Variants in LUC7L2 observed in about 807,000 individuals in gnomAD.
LUC7L2 encodes LUC7 like 2, pre-mRNA splicing factor.
A neutral mutation model predicts 52.8 loss-of-function variants in LUC7L2; 25 were observed. That is an observed-to-expected ratio of 0.47 (90% CI 0.34 to 0.66). The LOEUF is 0.66. Among genes scored for constraint, LUC7L2 ranks in the 30% least tolerant of loss-of-function variants. The pLI, the probability that LUC7L2 is intolerant of heterozygous loss-of-function variation, is 0.01. For missense variants in LUC7L2, 328 were observed against 497.8 expected (o/e 0.66, Z 3.25); for synonymous variants, 144 against 160.9 (o/e 0.89, Z 0.80).
At chr7:139,364,646 TAAG>T (rs1800057209) in intron 1 of LUC7L2, among the ~76,000 whole-genome samples, 1 of 152,234 alleles carries the variant, frequency 6.6e-6, no homozygotes, top group Non-Finnish European at 1.5e-5. Context: ...AAAATACTGT[TAAG>T]AAAGCCATTT....
At chr7:139,404,790 T>TA (rs1248217080) in intron 4 of LUC7L2, among the ~76,000 whole-genome samples, 2 of 152,318 alleles carry the variant, frequency 1.3e-5, no homozygotes, top group Admixed American at 6.5e-5. Flanking sequence ...GCAGGGTACA[T>TA]ACGAGGCTTA....
At chr7:139,345,692 C>G (rs368031989) in intron 1 of LUC7L2, 163 of 1,613,936 alleles carry the variant, frequency 1.0e-4, no homozygotes, top group Non-Finnish European at 1.2e-4. Flanking sequence ...GAGGGAAGGG[C>G]TGGGAGCCAT....
intron 1 of LUC7L2, chr7:139,340,596 C>T: frequency 2.5e-6 from 1 of 397,404 alleles, no homozygotes. Flanking sequence ...CACGTGGGCG[C>T]TAGGTGTGGT....
At chr7:139,382,809 A>C (rs896866711) in intron 2 of LUC7L2, among the ~76,000 whole-genome samples, 23 of 152,302 alleles carry the variant, frequency 1.5e-4, no homozygotes, top group African/African-American at 4.3e-4. Flanking sequence ...GTTTTATCCC[A>C]GGTGCACCTT....
At chr7:139,384,341 C>G (rs1794096675) in intron 2 of LUC7L2, among the ~76,000 whole-genome samples, 3 of 151,048 alleles carry the variant, frequency 2.0e-5, no homozygotes, top group South Asian at 4.2e-4. Flanking sequence ...TCGTGGCTCA[C>G]TGCAACCTCT....
chr7:139,393,646 C>T (rs776621647), intron 2 of LUC7L2, among the ~76,000 whole-genome samples: 3 of 151,988 alleles, frequency 2.0e-5, no homozygotes, highest in Admixed American at 6.6e-5. Context: ...GGGGTTTCAC[C>T]GTGTTGCCCA....
chr7:139,349,510 CCT>C (rs936360744), intron 1 of LUC7L2, among the ~76,000 whole-genome samples: 4 of 152,016 alleles, frequency 2.6e-5, no homozygotes, highest in African/African-American at 9.7e-5. Context: ...GCCTGAGAAT[CCT>C]GAGGTTTTGG....
At chr7:139,385,273 G>A (rs1794142032) in intron 2 of LUC7L2, among the ~76,000 whole-genome samples, 2 of 147,976 alleles carry the variant, frequency 1.4e-5, no homozygotes, top group African/African-American at 2.5e-5. Context: ...TTTTTTGAAG[G>A]ACATCTTCAA....
intron 1 of LUC7L2, among the ~76,000 whole-genome samples, chr7:139,352,267 A>G (rs1255746250): frequency 6.6e-6 from 1 of 151,932 alleles, no homozygotes; most frequent in African/African-American, 2.4e-5. Context: ...AGGCAGGAGG[A>G]TGGCTTGGGG....
chr7:139,373,124 T>C (rs1211421516), intron 1 of LUC7L2, among the ~76,000 whole-genome samples: 1 of 152,266 alleles, frequency 6.6e-6, no homozygotes, highest in Non-Finnish European at 1.5e-5. Context: ...TAGTTTCTTA[T>C]GAAAAACATG....
intron 1 of LUC7L2, among the ~76,000 whole-genome samples, chr7:139,372,846 G>A (rs1800523178): frequency 6.6e-6 from 1 of 152,058 alleles, no homozygotes; most frequent in African/African-American, 2.4e-5. Flanking sequence ...CTCCTTGAGG[G>A]GAGAGAGCTT....
At chr7:139,378,681 T>C (rs1159260080) in intron 2 of LUC7L2, among the ~76,000 whole-genome samples, 1 of 152,222 alleles carries the variant, frequency 6.6e-6, no homozygotes, top group African/African-American at 2.4e-5. Flanking sequence ...GTGTAAACTA[T>C]CACACTCTGT....
chr7:139,354,777 A>G (rs1317131450), intron 1 of LUC7L2, among the ~76,000 whole-genome samples: 1 of 152,190 alleles, frequency 6.6e-6, no homozygotes, highest in Non-Finnish European at 1.5e-5. Context: ...ACTCTAATAA[A>G]TCACACCCAC....
chr7:139,421,390 GTTTA>G (rs1277962305), intron 9 of LUC7L2, among the ~76,000 whole-genome samples: 1 of 152,078 alleles, frequency 6.6e-6, no homozygotes, highest in Non-Finnish European at 1.5e-5. Context: ...AAGATTCCAT[GTTTA>G]TTCTGATTCC....
intron 1 of LUC7L2, chr7:139,371,278 G>C: frequency 1.6e-6 from 1 of 640,864 alleles, no homozygotes; most frequent in Non-Finnish European, 2.8e-6. Context: ...ATGAATGCCT[G>C]ATAATGTACA....
intron 8 of LUC7L2, among the ~76,000 whole-genome samples, chr7:139,414,849 T>C (rs1448908427): frequency 8.3e-6 from 1 of 120,856 alleles, no homozygotes; most frequent in African/African-American, 5.7e-5. Context: ...CGTATAAATA[T>C]TTCCACTCTT....
intron 1 of LUC7L2, among the ~76,000 whole-genome samples, chr7:139,352,420 G>A (rs1433689416): frequency 1.3e-5 from 2 of 152,164 alleles, no homozygotes; most frequent in African/African-American, 4.8e-5. Flanking sequence ...CCTTGAGCCT[G>A]GGAGGTTGAG....
chr7:139,358,837 C>A (rs951884822), upstream of LUC7L2, among the ~76,000 whole-genome samples: 9 of 151,992 alleles, frequency 5.9e-5, no homozygotes, highest in African/African-American at 2.2e-4. Context: ...CCCGCCATCA[C>A]GCCCGGCTAA....
rs191308607 is a variant in LUC7L2, at chr7:139,423,011, T to G, written c.*671T>G. The G allele has an allele frequency of 3.5e-5, 14 of 399,028 alleles. No individual in the cohort carries two copies. In the Admixed American group the frequency reaches 6.2e-4, roughly 18 times the overall value. The allele number at this position is 399,028 out of a possible 1,614,324, so 24.7% of individuals were successfully genotyped here. A position where few individuals can be genotyped will look rare whatever the true frequency, so the allele number is the denominator to read the frequency against. Reference sequence around the variant, plus strand: ...GTCTTGATTTTTCTGTTCTGTTGAATTGCTATGTTCAGGATGTTCTAGGGG... The same window carrying G: ...GTCTTGATTTTTCTGTTCTGTTGAAGTGCTATGTTCAGGATGTTCTAGGGG... On this transcript the variant is annotated 3_prime_UTR_variant, in exon 10 of 10. Coordinates refer to ENST00000354926, the MANE Select transcript of LUC7L2 (RefSeq NM_016019.5).
Sources: gnomAD v4.1 joint callset for allele counts (sites outside exome capture counted in the v4.1 genomes callset) on GRCh38, gnomAD v4.1.1 for gene constraint, MANE v1.5 for transcripts, NCBI Gene and HGNC (gene_info 2026-07-23, HGNC 2026-07-21) for gene names.